AATK: variants seen among roughly 807,000 people sequenced by gnomAD.
The protein encoded by AATK is serine/threonine-protein kinase LMTK1.
AATK carries 91 observed loss-of-function variants against 114.3 expected under a neutral mutation model. The ratio of observed to expected loss-of-function variants is 0.80; its 90% confidence interval spans 0.67 to 0.95. The LOEUF is 0.95. AATK is among the 40% of genes least tolerant of loss of function. The probability of loss-of-function intolerance (pLI) is 0.00; values close to 1 mark genes in which losing one functional copy is unlikely to be tolerated. For missense variants in AATK, 2,176 were observed against 1,965.2 expected, an observed-to-expected ratio of 1.11 and a Z score of -2.03; for synonymous variants, 1,075 against 916.5, an observed-to-expected ratio of 1.17 and a Z score of -3.12.
chr17:81,118,518 C>G, intron 13 of AATK, 76 bp from the exon 14 acceptor site: 1 of 1,506,318 alleles, frequency 6.6e-7, no homozygotes, highest in South Asian at 1.2e-5. Flanking sequence ...CCCACCTGGC[C>G]TCCATCCCTG....
chr17:81,156,062 T>C (rs2061357576), intron 1 of AATK, among the ~76,000 whole-genome samples: 2 of 150,946 alleles, frequency 1.3e-5, no homozygotes, highest in African/African-American at 2.5e-5. Flanking sequence ...TACCATGTTA[T>C]AATGTATGTT....
At chr17:81,119,792 A>G (rs2060672548) in intron 12 of AATK, 144 bp downstream of exon 12, 1 of 1,299,376 alleles carries the variant, frequency 7.7e-7, no homozygotes, top group Non-Finnish European at 1.0e-6. Context: ...GCCTCCCATG[A>G]CGACACGGGC....
In AATK at chr17:81,120,349, A is replaced by G; in HGVS notation, c.3587T>C (p.Val1196Ala). Residue 1196 changes from valine to alanine, a missense_variant, in exon 11 of 14, where the codon GTG becomes GCG. By Grantham distance (64) the Val-to-Ala change is moderately conservative (BLOSUM62 0). Transcript: ENST00000326724. The stretch of plus-strand genomic sequence containing the variant: ...CGCGCTCTGGCTCTCAGCCACCACC[A>G]CGGGCACCGCCGGCGCCTCCTCTTC... ...DSEEEAPAVP[V>A]VVAESQSARN... 1 of 1,610,092 alleles carries G rather than the reference A, an allele frequency of 6.2e-7. No homozygotes were observed. Among genetic ancestry groups the G allele is most frequent in the Admixed American group, 1.7e-5 (1 of 59,932 alleles).
At chr17:81,144,355 G>A (rs967200437) in intron 1 of AATK, among the ~76,000 whole-genome samples, 17 of 152,260 alleles carry the variant, frequency 1.1e-4, no homozygotes, top group Non-Finnish European at 2.2e-4. Flanking sequence ...CCTCCCCATC[G>A]CTCTGTGCTG....
chr17:81,122,558 C>T lies in AATK; in HGVS notation c.1378G>A (p.Ala460Thr), dbSNP rs898080685. Residue 460 changes from alanine to threonine, a missense_variant, in exon 11 of 14, where the codon GCG becomes ACG. Ala to Thr is a moderately conservative substitution (Grantham distance 58, BLOSUM62 0). Transcript: ENST00000326724. Reference protein sequence around the residue: ...LEQFAGDGFHADGDDVLTVTE... With the variant: ...LEQFAGDGFHTDGDDVLTVTE... ...ACCGTCAGCACGTCGTCGCCGTCCG[C>T]GTGGAAGCCGTCGCCCGCGAACTGC... 5 of 1,472,262 alleles carry T rather than the reference C, an allele frequency of 3.4e-6. No homozygotes were observed. The highest frequency in any genetic ancestry group is 4.5e-6 in the Non-Finnish European group (5 of 1,106,548). The allele number at this position is 1,472,262 out of a possible 1,614,324, so 91.2% of individuals were successfully genotyped here. A position where few individuals can be genotyped will look rare whatever the true frequency, so the allele number is the denominator to read the frequency against.
chr17:81,163,349 C>T (rs1013462621), intron 1 of AATK, among the ~76,000 whole-genome samples: 3 of 152,188 alleles, frequency 2.0e-5, no homozygotes, highest in Admixed American at 6.5e-5. Context: ...GACCTCTGCT[C>T]GCTCAAGGCC....
intron 1 of AATK, among the ~76,000 whole-genome samples, chr17:81,147,298 T>G (rs929935803): frequency 6.8e-6 from 1 of 147,956 alleles, no homozygotes; most frequent in Non-Finnish European, 1.5e-5. Flanking sequence ...AAGGCAGAGG[T>G]TGCAGTGAGC....
At chr17:81,140,688 GGGCCGTT>G in intron 1 of AATK, among the ~76,000 whole-genome samples, 2 of 139,922 alleles carry the variant, frequency 1.4e-5, no homozygotes, top group Admixed American at 7.0e-5. Context: ...TGGGGCCGTG[GGGCCGTT>G]GAGCTGTGGG....
Position 81,121,671 on chromosome 17 carries a change from T to G in AATK, c.2265A>C (p.Ala755=), listed in dbSNP as rs948564678. The G allele has an allele frequency of 6.7e-7, 1 of 1,498,572 alleles. No homozygotes were observed. 92.8% of individuals were successfully genotyped at this position (1,498,572 alleles called of 1,614,324 possible). The change falls in exon 11 of 14, where the codon GCA becomes GCC. Residue 755 remains alanine, a synonymous_variant. Coordinates refer to ENST00000326724, the MANE Select transcript of AATK (RefSeq NM_001080395.3). ...AGGGTGTAACCAGGCAGGGAGCAGG[T>G]GCCAGGCCCTGGGCAGAGCATAGAT... The part of the protein sequence containing the change: ...LPHLCSAQGL[A]PAPCLVTPSW...
chr17:81,136,619 C>A (rs1350907994), intron 1 of AATK, among the ~76,000 whole-genome samples: 1 of 152,224 alleles, frequency 6.6e-6, no homozygotes, highest in Non-Finnish European at 1.5e-5. Flanking sequence ...TTCCCCCTCC[C>A]CTCTAGAAGG....
At position 81,124,881 on chromosome 17, in the gene AATK, C is replaced by T. The variant is rs115015023; in HGVS notation, c.841-33G>A. ...CACAGGGACGGGTCACCCCTGCCGG[C>T]GCAGGCCCTGCCCCTCATGCCCAGC... On this transcript the variant is annotated intron_variant, in intron 8 of 13. Transcript: ENST00000326724. 1.4e-3 allele frequency: 2,171 copies of T among 1,579,586 alleles called. 23 individuals are homozygous for T. The African/African-American group carries it at 0.025, about 18-fold the overall frequency.
Position 81,126,927 on chromosome 17 carries a change from G to A in AATK, c.622-367C>T, listed in dbSNP as rs2060839292. The A allele has an allele frequency of 1.0e-6, 1 of 965,486 alleles. No individual in the cohort carries two copies. Among genetic ancestry groups the A allele is most frequent in the East Asian group, 5.9e-5 (1 of 16,832 alleles). 59.8% of individuals were successfully genotyped at this position (965,486 alleles called of 1,614,324 possible). A position where few individuals can be genotyped will look rare whatever the true frequency, so the allele number is the denominator to read the frequency against. ...CTGACCTGCCGAAAGCCCAGCCCCGGGACGGTCAACGTCAGGAGTCCAGAC... is the reference window on the plus strand; with the variant it reads ...CTGACCTGCCGAAAGCCCAGCCCCGAGACGGTCAACGTCAGGAGTCCAGAC... On this transcript the variant is annotated intron_variant, in intron 6 of 13. Coordinates refer to ENST00000326724, the MANE Select transcript of AATK (RefSeq NM_001080395.3). This position sits in a 1 kb window ranked among gnomAD's most constrained non-coding sequence, Gnocchi z 5.1.
rs759642127 is a variant in AATK at position 81,122,753 on chromosome 17, G to A, written c.1183C>T (p.Leu395=). ...GCGCCCTTGGCACACAGGTAGGACA[G>A]CAGCAGGTGCACCTCCTCGGCTGTG... ...RPTAEEVHLL[L]SYLCAKGATE... The change falls in exon 11 of 14, where the codon CTG becomes TTG. Residue 395 remains leucine, a synonymous_variant. Coordinates refer to ENST00000326724, the MANE Select transcript of AATK (RefSeq NM_001080395.3). 31 of 1,599,786 alleles carry A rather than the reference G, an allele frequency of 1.9e-5. No homozygotes were observed. The South Asian group carries it at 2.5e-4, about 13-fold the overall frequency.
intron 1 of AATK, among the ~76,000 whole-genome samples, chr17:81,145,421 AG>A: frequency 6.6e-6 from 1 of 152,214 alleles, no homozygotes; most frequent in Non-Finnish European, 1.5e-5. Flanking sequence ...AAAATATTGA[AG>A]GCTTTGGCTC....
At position 81,120,668 on chromosome 17, in the gene AATK, G is replaced by C. The variant is rs778354293; in HGVS notation, c.3268C>G (p.Arg1090Gly). The C allele has an allele frequency of 3.3e-6, 5 of 1,517,900 alleles. No homozygotes were observed. In the Admixed American group the frequency reaches 6.8e-5, roughly 21 times the overall value. The allele number at this position is 1,517,900 out of a possible 1,614,324, so 94.0% of individuals were successfully genotyped here. A position where few individuals can be genotyped will look rare whatever the true frequency, so the allele number is the denominator to read the frequency against. The change falls in exon 11 of 14, where the codon CGG becomes GGG. Residue 1090 changes from arginine (R) to glycine (G), a missense_variant. Physicochemically the swap from Arg to Gly is moderately radical, Grantham distance 125. Coordinates refer to ENST00000326724, the MANE Select transcript of AATK (RefSeq NM_001080395.3). ...PPEPQGPAKVRPGPSPSCSQF... is the reference protein window; with the variant it reads ...PPEPQGPAKVGPGPSPSCSQF... ...GAGCAGCTGGGGCTGGGCCCAGGCC[G>C]CACCTTGGCTGGGCCTTGGGGCTCC... is the stretch of plus-strand genomic sequence containing the variant.
chr17:81,119,562 T>A lies in AATK; in HGVS notation c.3902A>T (p.Asp1301Val). Residue 1301 changes from aspartate (D) to valine (V), a missense_variant, in exon 13 of 14, where the codon GAC (aspartate) becomes GTC (valine). Transcript: ENST00000326724. ...GGCCGTCATCAGCGGGAAGTCGTCGTCCCACGCGAACCCACCACCTGCAGC... is the reference window on the plus strand; with the variant it reads ...GGCCGTCATCAGCGGGAAGTCGTCGACCCACGCGAACCCACCACCTGCAGC... ...TAEEGGGFAW[D>V]DDFPLMTAKA... The A allele has an allele frequency of 6.3e-7, 1 of 1,576,134 alleles. No homozygotes were observed. Among genetic ancestry groups the A allele is most frequent in the Non-Finnish European group, 8.6e-7 (1 of 1,163,802 alleles).
intron 1 of AATK, among the ~76,000 whole-genome samples, chr17:81,138,572 ACG>A (rs2061065585): frequency 6.8e-6 from 1 of 146,274 alleles, no homozygotes; most frequent in Non-Finnish European, 1.5e-5. Context: ...ATACCCCCAC[ACG>A]CACATACCCA....
chr17:81,118,424 C>A lies in AATK; in HGVS notation c.4103G>T (p.Gly1368Val). ...ESKRGPEAGA[G>V]GESKEA ...GTCTCAAGCCTCTTTACTCTCACCC[C>A]CGGCACCAGCTTCAGGTCCTGGCAA... is the stretch of plus-strand genomic sequence containing the variant. Residue 1368 changes from glycine to valine, a missense_variant, in exon 14 of 14, where the codon GGG (glycine) becomes GTG (valine). Transcript: ENST00000326724. 6.2e-7 allele frequency: 1 copy of A among 1,608,900 alleles called. No individual in the cohort carries two copies. Among genetic ancestry groups the A allele is most frequent in the East Asian group, 2.2e-5 (1 of 44,626 alleles).
intron 1 of AATK, among the ~76,000 whole-genome samples, chr17:81,141,150 G>A (rs2061132557): frequency 6.6e-6 from 1 of 152,268 alleles, no homozygotes; most frequent in Middle Eastern, 3.4e-3. Flanking sequence ...ATTGACTATA[G>A]CCCATGAAAG....
Sources: allele counts gnomAD v4.1 joint callset (sites outside exome capture counted in the v4.1 genomes callset), GRCh38; gene constraint gnomAD v4.1.1; non-coding constraint Gnocchi (gnomAD v3.1); transcripts MANE v1.5; gene names NCBI Gene and HGNC (gene_info 2026-07-23, HGNC 2026-07-21).